The following RAF1 variants were observed in gnomAD, a reference collection of about 807,000 sequenced individuals.
RAF1 encodes the protein Raf-1 proto-oncogene, serine/threonine kinase, also known as RAF proto-oncogene serine/threonine-protein kinase.
In RAF1, 27 loss-of-function variants were observed where a neutral mutation model predicts 81.1. The observed-to-expected ratio is 0.33, with a 90% confidence interval of 0.25 to 0.46. The LOEUF (loss-of-function observed/expected upper bound fraction) is 0.46. RAF1 is among the 20% of genes least tolerant of loss of function. The probability of loss-of-function intolerance (pLI) is 1.00; values close to 1 mark genes in which losing one functional copy is unlikely to be tolerated. For missense variants in RAF1, 598 were observed against 826.0 expected (o/e 0.72, Z 3.38); for synonymous variants, 298 against 294.0 (o/e 1.01, Z -0.14).
intron 11 of RAF1, among the ~76,000 whole-genome samples, chr3:12,596,930 G>A (rs1402514205): frequency 1.3e-5 from 2 of 149,152 alleles, no homozygotes; most frequent in African/African-American, 2.5e-5. Context: ...ACGGAGTCTC[G>A]CTCTGTCACC....
intron 6 of RAF1, among the ~76,000 whole-genome samples, chr3:12,605,145 A>C (rs2125402066): frequency 6.6e-6 from 1 of 152,364 alleles, no homozygotes; most frequent in South Asian, 2.1e-4. Context: ...AATAAAAGCC[A>C]TACAGAAATA....
At chr3:12,659,650 T>C (rs200363172) in intron 1 of RAF1, among the ~76,000 whole-genome samples, 1 of 48,350 alleles carries the variant, frequency 2.1e-5, no homozygotes, top group African/African-American at 6.9e-5. Flanking sequence ...TTCCACCTCA[T>C]AGTCATTTGT....
intron 2 of RAF1, among the ~76,000 whole-genome samples, chr3:12,616,063 TATA>T (rs920482151): frequency 1.4e-4 from 21 of 151,330 alleles, no homozygotes; most frequent in Non-Finnish European, 2.4e-4. Context: ...AAAAAATACA[TATA>T]ATAATAATAA....
In RAF1 at chr3:12,603,490, A is replaced by T; in HGVS notation, c.882T>A (p.Cys294Ter). 1 of 699,778 alleles carries T rather than the reference A, an allele frequency of 1.4e-6. No homozygotes were observed. The highest frequency in any genetic ancestry group is 2.6e-6 in the Non-Finnish European group (1 of 382,776). 43.3% of individuals were successfully genotyped at this position (699,778 alleles called of 1,614,324 possible). A position where few individuals can be genotyped will look rare whatever the true frequency, so the allele number is the denominator to read the frequency against. The stretch of plus-strand genomic sequence containing the variant: ...GAAAAATACCTACTCTTCCCCTCAA[A>T]CAAAATCGTCTGGACCACGCCCTGG... Residue 294 changes from cysteine to a stop codon, truncating the protein, a stop_gained, in exon 8 of 18, where the codon TGT (cysteine) becomes TGA (stop). Transcript: ENST00000442415. LOFTEE classifies it high-confidence loss of function.
intron 5 of RAF1, among the ~76,000 whole-genome samples, chr3:12,607,367 G>C (rs1249864551): frequency 2.0e-5 from 3 of 152,106 alleles, no homozygotes; most frequent in African/African-American, 7.2e-5. Flanking sequence ...AGCTTGTGCC[G>C]CCGGATGCGG....
chr3:12,629,406 A>G (rs1018592886), intron 1 of RAF1, among the ~76,000 whole-genome samples: 14 of 152,216 alleles, frequency 9.2e-5, no homozygotes, highest in African/African-American at 3.1e-4. Context: ...ACTCTGTACC[A>G]ACTAAGCAGC....
chr3:12,646,665 C>G (rs2060358129), intron 1 of RAF1, among the ~76,000 whole-genome samples: 1 of 152,008 alleles, frequency 6.6e-6, no homozygotes, highest in East Asian at 1.9e-4. Context: ...ATTCTCCTGC[C>G]TCAGCCTCCC....
At chr3:12,638,096 A>T (rs2125522226) in intron 1 of RAF1, among the ~76,000 whole-genome samples, 1 of 152,262 alleles carries the variant, frequency 6.6e-6, no homozygotes, top group African/African-American at 2.4e-5. Flanking sequence ...ACCATTTGAA[A>T]TAATATTAGG....
At chr3:12,602,181 G>A (rs974699283) in intron 8 of RAF1, among the ~76,000 whole-genome samples, 1 of 151,934 alleles carries the variant, frequency 6.6e-6, no homozygotes, top group African/African-American at 2.4e-5. Flanking sequence ...ATTCTAGAAA[G>A]AATTTTCCTA....
intron 11 of RAF1, among the ~76,000 whole-genome samples, chr3:12,599,465 T>C (rs1035823751): frequency 2.0e-5 from 3 of 152,214 alleles, no homozygotes; most frequent in Non-Finnish European, 4.4e-5. Context: ...GACATTTGAT[T>C]ATAGGGCTCA....
chr3:12,635,306 G>A, intron 1 of RAF1, among the ~76,000 whole-genome samples: 1 of 122,056 alleles, frequency 8.2e-6, no homozygotes, highest in Admixed American at 9.4e-5. Context: ...GTGACAGAGG[G>A]AGACCCTGTC....
At chr3:12,600,310 A>C (rs368174229) in intron 9 of RAF1, 31 bp from the exon 9 acceptor site, 33 of 1,614,090 alleles carry the variant, frequency 2.0e-5, no homozygotes, top group Non-Finnish European at 2.7e-5. Context: ...GAAGCCACAC[A>C]AGGATAAGCC....
intron 11 of RAF1, among the ~76,000 whole-genome samples, chr3:12,592,797 G>A (rs945628912): frequency 7.0e-6 from 1 of 143,656 alleles, no homozygotes; most frequent in African/African-American, 2.6e-5. Flanking sequence ...GTGCAGTGGT[G>A]TGATCTGGGC....
intron 1 of RAF1, among the ~76,000 whole-genome samples, chr3:12,624,285 C>A (rs2125472784): frequency 6.6e-6 from 1 of 152,304 alleles, no homozygotes; most frequent in East Asian, 1.9e-4. Flanking sequence ...CAACTCTAAC[C>A]TGTTAATCAC....
At chr3:12,661,720 T>C (rs916475264) in intron 1 of RAF1, among the ~76,000 whole-genome samples, 9 of 151,570 alleles carry the variant, frequency 5.9e-5, no homozygotes, top group African/African-American at 2.2e-4. Flanking sequence ...TAAAAAACAA[T>C]AGAATAATAA....
rs561948730 is a variant in RAF1, at chr3:12,636,746, G to T, written c.-26-17999C>A. On this transcript the variant is annotated intron_variant, in intron 1 of 17. Transcript: ENST00000442415. The stretch of plus-strand genomic sequence containing the variant: ...CACTTGAGCCTGGGAGGTGGAGGCT[G>T]CTGTGAGCTAAGATCATGCCACTGC... Among the ~76,000 whole-genome samples the T allele has an allele frequency of 8.3e-4, 127 of 152,108 alleles. 2 individuals are homozygous for T. In the South Asian group the frequency reaches 0.018, roughly 21 times the overall value.
At chr3:12,640,050 C>T (rs1386198136) in intron 1 of RAF1, among the ~76,000 whole-genome samples, 1 of 152,048 alleles carries the variant, frequency 6.6e-6, no homozygotes, top group South Asian at 2.1e-4. Flanking sequence ...AACAGAGCCG[C>T]CAGAAATAAT....
intron 1 of RAF1, among the ~76,000 whole-genome samples, chr3:12,623,299 A>G (rs989753717): frequency 3.3e-5 from 5 of 152,222 alleles, no homozygotes; most frequent in African/African-American, 1.2e-4. Flanking sequence ...CCTCAGTCCA[A>G]GAACAGTAAT....
intron 1 of RAF1, among the ~76,000 whole-genome samples, chr3:12,645,097 C>CA (rs11401342): frequency 0.087 from 5,568 of 64,278 alleles, 432 homozygotes; most frequent in African/African-American, 0.17. Flanking sequence ...GACTCAGTCT[C>CA]AAAAAAAAAA....
Sources: allele counts gnomAD v4.1 joint callset (sites outside exome capture counted in the v4.1 genomes callset), GRCh38; gene constraint gnomAD v4.1.1; transcripts MANE v1.5; gene names NCBI Gene and HGNC (gene_info 2026-07-23, HGNC 2026-07-21).